FAF1: variants seen among roughly 807,000 people sequenced by gnomAD.
FAF1 encodes the protein FAS-associated factor 1.
Under a neutral mutation model 92.5 loss-of-function variants are expected in FAF1, and 25 were observed. That is an observed-to-expected ratio of 0.27 (90% CI 0.20 to 0.38). The LOEUF (loss-of-function observed/expected upper bound fraction) is 0.38, where lower values mean the gene tolerates loss of function less well. Among genes scored for constraint, FAF1 ranks in the 10% least tolerant of loss-of-function variants. FAF1 has a pLI of 1.00. For missense variants in FAF1, 636 were observed against 793.3 expected (o/e 0.80, Z 2.38); for synonymous variants, 234 against 273.2 (o/e 0.86, Z 1.42).
chr1:50,562,768 A>G (rs1370153044), intron 13 of FAF1, among the ~76,000 whole-genome samples: 1 of 152,210 alleles, frequency 6.6e-6, no homozygotes. Context: ...CTCAGATGAC[A>G]GCACCATTCC....
chr1:50,744,904 T>C (rs896904824), intron 4 of FAF1, 129 bp from the exon 5 acceptor site: 5 of 493,142 alleles, frequency 1.0e-5, no homozygotes, highest in Middle Eastern at 4.6e-4. Context: ...TGAATATTTC[T>C]GTATCTATAA....
At chr1:50,766,796 A>G (rs950211785) in intron 4 of FAF1, among the ~76,000 whole-genome samples, 38 of 150,438 alleles carry the variant, frequency 2.5e-4, no homozygotes, top group Non-Finnish European at 4.8e-4. Context: ...GCAAGCAAAA[A>G]AAAAAAAAAA....
At chr1:50,618,532 G>A (rs1311131280) in intron 8 of FAF1, among the ~76,000 whole-genome samples, 5 of 150,792 alleles carry the variant, frequency 3.3e-5, no homozygotes, top group Admixed American at 2.7e-4. Flanking sequence ...CAAAGTGCTG[G>A]TATTACAGGC....
At chr1:50,578,907 C>T (rs930529374) in intron 12 of FAF1, among the ~76,000 whole-genome samples, 1 of 152,066 alleles carries the variant, frequency 6.6e-6, no homozygotes, top group East Asian at 1.9e-4. Flanking sequence ...ATAAACTGTA[C>T]ATAAACTGTT....
chr1:50,441,414 T>TG lies in FAF1; in HGVS notation c.*25dup. On this transcript the variant is annotated 3_prime_UTR_variant, in exon 19 of 19. Transcript: ENST00000396153. The stretch of plus-strand genomic sequence containing the variant: ...CGCAGGCTGCTGGCTTGTCAAGGAA[T>TG]GGCTGGTTCCACCGCTGGGCCGTGT... 7.0e-7 allele frequency: 1 copy of TG among 1,438,526 alleles called. No homozygotes were observed. Among genetic ancestry groups the TG allele is most frequent in the Admixed American group, 2.2e-5 (1 of 45,108 alleles). 89.1% of individuals were successfully genotyped at this position (1,438,526 alleles called of 1,614,324 possible).
chr1:50,929,261 C>T (rs1321232830), intron 1 of FAF1, among the ~76,000 whole-genome samples: 1 of 151,998 alleles, frequency 6.6e-6, no homozygotes, highest in African/African-American at 2.4e-5. Context: ...GTTCTTTCAT[C>T]ATTCATACAA....
At chr1:50,543,295 G>C (rs1026732916) in intron 13 of FAF1, among the ~76,000 whole-genome samples, 2 of 152,050 alleles carry the variant, frequency 1.3e-5, no homozygotes, top group African/African-American at 4.8e-5. Context: ...GCAATTTAGG[G>C]GAAGGGAGAT....
intron 8 of FAF1, among the ~76,000 whole-genome samples, chr1:50,597,976 C>G (rs773443951): frequency 1.3e-5 from 2 of 152,092 alleles, no homozygotes; most frequent in African/African-American, 2.4e-5. Flanking sequence ...ACTATTCACT[C>G]GAATCAATAT....
rs762642396 is a variant in FAF1 at position 50,959,837 on chromosome 1, G to C, written c.-26C>G. 16 of 1,536,600 alleles carry C rather than the reference G, an allele frequency of 1.0e-5. No individual in the cohort carries two copies. Among genetic ancestry groups the C allele is most frequent in the Non-Finnish European group, 1.4e-5 (16 of 1,137,050 alleles). On this transcript the variant is annotated 5_prime_UTR_variant, in exon 1 of 19. Transcript: ENST00000396153. ...GGCGGCCGCCGAGTTCCGCGGCTCC[G>C]GGAGCGAAGCGCGCACCTGGGAGGC... is the stretch of plus-strand genomic sequence containing the variant.
intron 12 of FAF1, among the ~76,000 whole-genome samples, chr1:50,576,357 T>G (rs761587379): frequency 3.9e-5 from 6 of 152,186 alleles, no homozygotes; most frequent in Admixed American, 1.3e-4. Context: ...GTATAATATT[T>G]GGAAAAAGCA....
At chr1:50,692,047 C>A (rs1171283540) in intron 7 of FAF1, among the ~76,000 whole-genome samples, 1 of 152,086 alleles carries the variant, frequency 6.6e-6, no homozygotes, top group Non-Finnish European at 1.5e-5. Context: ...GAAACCTCAT[C>A]TCTACAAAAA....
At chr1:50,907,501 AT>A (rs1292906481) in intron 1 of FAF1, among the ~76,000 whole-genome samples, 1 of 152,122 alleles carries the variant, frequency 6.6e-6, no homozygotes, top group African/African-American at 2.4e-5. Context: ...TTGTGAATCC[AT>A]CTGGTCCTGG....
chr1:50,499,875 G>A (rs905677810), intron 15 of FAF1, among the ~76,000 whole-genome samples: 4 of 151,916 alleles, frequency 2.6e-5, no homozygotes, highest in African/African-American at 7.3e-5. Context: ...CTATATACTG[G>A]CAACAAATAC....
chr1:50,486,537 A>G (rs536550807), intron 17 of FAF1, among the ~76,000 whole-genome samples: 1 of 151,616 alleles, frequency 6.6e-6, no homozygotes, highest in Admixed American at 6.6e-5. Context: ...TTAAATTCAC[A>G]TCTCTACGGG....
intron 3 of FAF1, among the ~76,000 whole-genome samples, chr1:50,789,093 C>CGGGATTA (rs1237929260): frequency 6.6e-6 from 1 of 152,090 alleles, no homozygotes; most frequent in Admixed American, 6.5e-5. Flanking sequence ...CTTCTGACTC[C>CGGGATTA]CAAAGTGCTG....
chr1:50,593,926 G>A (rs1346157298), intron 9 of FAF1, among the ~76,000 whole-genome samples: 2 of 152,086 alleles, frequency 1.3e-5, no homozygotes, highest in African/African-American at 4.8e-5. Flanking sequence ...ATAAAAATGA[G>A]CAACCACATT....
chr1:50,946,989 G>C (rs949169186), intron 1 of FAF1, among the ~76,000 whole-genome samples: 4 of 152,182 alleles, frequency 2.6e-5, no homozygotes, highest in African/African-American at 7.2e-5. Flanking sequence ...CTGCTGAGAA[G>C]ATATACAGAA....
chr1:50,814,309 G>A lies in FAF1; in HGVS notation c.115-12632C>T, dbSNP rs76943844. Among the ~76,000 whole-genome samples the A allele has an allele frequency of 3.0e-3, 457 of 152,216 alleles. 4 individuals carry two copies. Among genetic ancestry groups the A allele is most frequent in the African/African-American group, 0.01 (430 of 41,530 alleles). On this transcript the variant is annotated intron_variant, in intron 2 of 18. Transcript: ENST00000396153. ...GTATACATAGTAAGTATGCATATTA[G>A]TGTATGCTATATTGCAAAATAACAT...
chr1:50,555,689 T>C (rs1296394549), intron 13 of FAF1, among the ~76,000 whole-genome samples: 3 of 152,128 alleles, frequency 2.0e-5, no homozygotes, highest in Non-Finnish European at 4.4e-5. Context: ...ACAACCTCTA[T>C]GAAAAACAGT....
Sources: gnomAD v4.1 joint callset for allele counts (sites outside exome capture counted in the v4.1 genomes callset) on GRCh38, gnomAD v4.1.1 for gene constraint, MANE v1.5 for transcripts, NCBI Gene and HGNC (gene_info 2026-07-23, HGNC 2026-07-21) for gene names.